The following XRN1 variants were observed in gnomAD, a reference collection of about 807,000 sequenced individuals.
XRN1 encodes 5'-3' exoribonuclease 1, also known as strand-exchange protein 1 homolog.
XRN1 carries 67 observed loss-of-function variants against 222.3 expected under a neutral mutation model. The ratio of observed to expected loss-of-function variants is 0.30; its 90% CI spans 0.25 to 0.37. The LOEUF is 0.37. Ranked by LOEUF, XRN1 falls within the 10% of genes least tolerant of loss-of-function variation. The pLI, the probability that XRN1 is intolerant of heterozygous loss-of-function variation, is 1.00. For missense variants in XRN1, 1,707 were observed against 2,000.2 expected (o/e 0.85, Z 2.80); for synonymous variants, 643 against 652.4 (o/e 0.99, Z 0.22).
chr3:142,341,554 G>A (rs930878168), intron 33 of XRN1, among the ~76,000 whole-genome samples: 3 of 152,068 alleles, frequency 2.0e-5, no homozygotes, highest in African/African-American at 7.2e-5. Flanking sequence ...ATATCGAAGT[G>A]GCAGGAAGAA....
At chr3:142,400,805 C>T (rs1237451089) in intron 18 of XRN1, among the ~76,000 whole-genome samples, 2 of 152,112 alleles carry the variant, frequency 1.3e-5, no homozygotes, top group Non-Finnish European at 2.9e-5. Flanking sequence ...GTAGTCCCAG[C>T]TACCCGGAGG....
At chr3:142,446,398 C>T (rs922460488) in intron 1 of XRN1, among the ~76,000 whole-genome samples, 7 of 152,136 alleles carry the variant, frequency 4.6e-5, no homozygotes, top group African/African-American at 1.4e-4. Flanking sequence ...TAATTCTCCT[C>T]CCAGTTTCTA....
intron 37 of XRN1, among the ~76,000 whole-genome samples, chr3:142,328,674 T>C (rs1353650930): frequency 2.4e-5 from 3 of 123,688 alleles, no homozygotes; most frequent in African/African-American, 9.0e-5. Context: ...AAACAATGGA[T>C]TAATAAACAT....
intron 6 of XRN1, 40 bp downstream of exon 6, chr3:142,423,520 C>A (rs767292047): frequency 6.8e-6 from 10 of 1,465,036 alleles, no homozygotes; most frequent in Non-Finnish European, 9.3e-6. Context: ...ACTATCCAGG[C>A]GTAATTTCTT....
intron 14 of XRN1, 129 bp downstream of exon 14, chr3:142,414,006 A>C: frequency 1.0e-6 from 1 of 997,502 alleles, no homozygotes; most frequent in Non-Finnish European, 1.4e-6. Context: ...TGTTAAAAAA[A>C]TACTATGGTT....
chr3:142,334,799 CACA>C (rs1309203111), intron 34 of XRN1, among the ~76,000 whole-genome samples: 2 of 148,674 alleles, frequency 1.3e-5, no homozygotes, highest in East Asian at 3.9e-4. Context: ...CACACACACA[CACA>C]AAAGACCATA....
Position 142,410,487 on chromosome 3 carries a change from G to GTTTTTTTTTTTTT in XRN1, c.1713+2044_1713+2056dup, listed in dbSNP as rs751870329. ...TATACGCTGTCAGATTCTATCTCAT[G>GTTTTTTTTTTTTT]TTTTTTTTTTTTTTTTTTTTTTTTT... is the stretch of plus-strand genomic sequence containing the variant. On this transcript the variant is annotated intron_variant, in intron 15 of 40. Transcript: ENST00000392981. Among the ~76,000 whole-genome samples the GTTTTTTTTTTTTT allele has an allele frequency of 1.0e-4, 7 of 68,074 alleles. 1 individual carries two copies. The highest frequency in any genetic ancestry group is 1.5e-4 in the Non-Finnish European group (6 of 39,112). 44.7% of individuals were successfully genotyped at this position (68,074 alleles called of 152,430 possible).
Position 142,311,529 on chromosome 3 carries a change from A to C in XRN1, c.5067T>G (p.Val1689=). 5.6e-6 allele frequency: 9 copies of C among 1,607,436 alleles called. No homozygotes were observed. The highest frequency in any genetic ancestry group is 7.7e-6 in the Non-Finnish European group (9 of 1,175,938). The change falls in exon 41 of 41, where the codon GTT becomes GTG. Residue 1689 remains valine (V), a synonymous_variant. Transcript: ENST00000392981. ...KSRKLAVNFG[V]SKPSE Reference sequence around the variant, plus strand: ...GCCAAATTTACTCAGAAGGTTTAGAAACACCAAAATTAACAGCCAGTTTTC... The same window carrying C: ...GCCAAATTTACTCAGAAGGTTTAGACACACCAAAATTAACAGCCAGTTTTC...
chr3:142,436,643 T>C (rs1430105520), intron 1 of XRN1, among the ~76,000 whole-genome samples: 2 of 152,036 alleles, frequency 1.3e-5, no homozygotes, highest in Non-Finnish European at 2.9e-5. Flanking sequence ...AAGATAAAAA[T>C]AGAAAACTGA....
chr3:142,354,202 T>G (rs964364889), intron 32 of XRN1, among the ~76,000 whole-genome samples: 17 of 152,264 alleles, frequency 1.1e-4, no homozygotes, highest in South Asian at 2.1e-4. Context: ...ACATCACTAA[T>G]TATCAGAGAA....
intron 22 of XRN1, 65 bp downstream of exon 22, chr3:142,383,234 GA>G: frequency 8.3e-7 from 1 of 1,206,120 alleles, no homozygotes. Flanking sequence ...AAACCTAAAT[GA>G]AGAGAAGTTA....
intron 15 of XRN1, among the ~76,000 whole-genome samples, chr3:142,410,324 G>T (rs1032226603): frequency 2.6e-5 from 4 of 151,812 alleles, no homozygotes; most frequent in African/African-American, 9.7e-5. Context: ...GGATGTTTGT[G>T]AAAAAAATAT....
intron 36 of XRN1, 23 bp downstream of exon 36, chr3:142,332,352 G>C: frequency 1.3e-6 from 2 of 1,491,424 alleles, no homozygotes; most frequent in Non-Finnish European, 1.8e-6. Flanking sequence ...GATATTATTG[G>C]TAATAGTATT....
rs1248907868 is a variant in XRN1 at position 142,371,134 on chromosome 3, A to G, written c.3068+105T>C. ...AAGAGAGTAAGAACCTGTCTCAAAA[A>G]AAAAAAAAAAAAAGTAATATGAAAT... On this transcript the variant is annotated intron_variant, in intron 26 of 40. Transcript: ENST00000392981. The G allele has an allele frequency of 2.1e-5, 20 of 938,848 alleles. No individual in the cohort carries two copies. In the East Asian group the frequency reaches 5.6e-4, roughly 26 times the overall value. 58.2% of individuals were successfully genotyped at this position (938,848 alleles called of 1,614,324 possible).
At chr3:142,431,886 AT>A (rs2069571339) in intron 2 of XRN1, among the ~76,000 whole-genome samples, 4 of 30,532 alleles carry the variant, frequency 1.3e-4, no homozygotes, top group Admixed American at 4.6e-4. Context: ...TATATATATT[AT>A]ATATAATATA....
At chr3:142,331,555 ATTATTC>A (rs2065696425) in intron 36 of XRN1, among the ~76,000 whole-genome samples, 1 of 152,204 alleles carries the variant, frequency 6.6e-6, no homozygotes, top group Non-Finnish European at 1.5e-5. Flanking sequence ...TCTGTAATGT[ATTATTC>A]TTATTTTATA....
At chr3:142,324,557 G>T (rs554176921) in intron 37 of XRN1, among the ~76,000 whole-genome samples, 1 of 151,114 alleles carries the variant, frequency 6.6e-6, no homozygotes, top group Non-Finnish European at 1.5e-5. Context: ...AATAAACATA[G>T]GTGTGCATGT....
chr3:142,339,132 T>C (rs2065920148), intron 33 of XRN1, among the ~76,000 whole-genome samples: 1 of 152,038 alleles, frequency 6.6e-6, no homozygotes, highest in Non-Finnish European at 1.5e-5. Flanking sequence ...GTGGGCGAGA[T>C]CCAGTACTGT....
At chr3:142,431,211 G>T (rs562487414) in intron 2 of XRN1, among the ~76,000 whole-genome samples, 1 of 152,320 alleles carries the variant, frequency 6.6e-6, no homozygotes, top group South Asian at 2.1e-4. Flanking sequence ...TCAATGAGAA[G>T]TATAAAAACT....
Sources: allele counts gnomAD v4.1 joint callset (sites outside exome capture counted in the v4.1 genomes callset), GRCh38; gene constraint gnomAD v4.1.1; transcripts MANE v1.5; gene names NCBI Gene and HGNC (gene_info 2026-07-23, HGNC 2026-07-21).